OR5AP2: variants seen among roughly 807,000 people sequenced by gnomAD.
OR5AP2 encodes the protein olfactory receptor 5AP2.
For missense variants in OR5AP2, 409 were observed against 378.9 expected (o/e 1.08, Z -0.66); for synonymous variants, 142 against 140.8 (o/e 1.01, Z -0.06).
chr11:56,641,894 A>G lies in OR5AP2; in HGVS notation c.546T>C (p.His182=), dbSNP rs1411705788. ...GCAGTGGCGGGGTGTCACAGTAGAA[A>G]TGGTTGATCCTATTAGAACCACAAA... ...LSFCGSNRIN[H]FYCDTPPLLK... is the part of the protein sequence containing the mutation. The change falls in exon 1 of 1, where the codon CAT becomes CAC. Residue 182 remains histidine (H), a synonymous_variant. Transcript: ENST00000544374. 7 of 1,614,246 alleles carry G rather than the reference A, an allele frequency of 4.3e-6. No individual in the cohort carries two copies. The highest frequency in any genetic ancestry group is 2.2e-5 in the South Asian group (2 of 91,080).
rs745826090 is a variant in OR5AP2 at position 56,642,130 on chromosome 11, C to T, written c.310G>A (p.Ala104Thr). ...ENKAISFHGC[A>T]AQFYFFGSFL... The stretch of plus-strand genomic sequence containing the variant: ...GAGCCAAAGAAGTAGAACTGGGCAG[C>T]ACATCCATGAAAAGAAATGGCCTTA... The change falls in exon 1 of 1, where the codon GCT becomes ACT. Residue 104 changes from alanine to threonine, a missense_variant. Physicochemically the swap from Ala to Thr is moderately conservative, Grantham distance 58 (BLOSUM62 0). Transcript: ENST00000544374. The T allele has an allele frequency of 6.2e-7, 1 of 1,614,000 alleles. No individual in the cohort carries two copies. Among genetic ancestry groups the T allele is most frequent in the Non-Finnish European group, 8.5e-7 (1 of 1,180,044 alleles).
Position 56,641,650 on chromosome 11 carries a change from T to C in OR5AP2, c.790A>G (p.Met264Val), listed in dbSNP as rs1367586438. The change falls in exon 1 of 1, where the codon ATG becomes GTG. Residue 264 changes from methionine (M) to valine (V), a missense_variant. By Grantham distance (21) the Met-to-Val change is conservative. Coordinates refer to ENST00000544374, the MANE Select transcript of OR5AP2 (RefSeq NM_001002925.1). ...VTIFFGTILF[M>V]YLRPTSSYSM... ...TAGCTAGATGTAGGGCGCAAGTACATGAAGAGGATTGTTCCAAAGAATATG... is the reference window on the plus strand; with the variant it reads ...TAGCTAGATGTAGGGCGCAAGTACACGAAGAGGATTGTTCCAAAGAATATG... 3.1e-6 allele frequency: 5 copies of C among 1,614,098 alleles called. No individual in the cohort carries two copies. The South Asian group carries it at 5.5e-5, about 18-fold the overall frequency.
In OR5AP2 at chr11:56,642,080, C is replaced by CA; in HGVS notation, c.359dup (p.Leu121ValfsTer7). The stretch of plus-strand genomic sequence containing the variant: ...AGCGGTCATATGCCATCATGGCCAA[C>CA]AGGAAGCACTCAGTCCCCAGGAAGG... On this transcript the variant is annotated frameshift_variant, in exon 1 of 1. Coordinates refer to ENST00000544374, the MANE Select transcript of OR5AP2 (RefSeq NM_001002925.1). LOFTEE classifies it low-confidence loss of function (END_TRUNC). 6.2e-7 allele frequency: 1 copy of CA among 1,614,042 alleles called. No individual in the cohort carries two copies. Among genetic ancestry groups the CA allele is most frequent in the Non-Finnish European group, 8.5e-7 (1 of 1,180,028 alleles).
chr11:56,641,999 G>A lies in OR5AP2; in HGVS notation c.441C>T (p.Cys147=). Residue 147 remains cysteine (C), a synonymous_variant, in exon 1 of 1, where the codon TGC becomes TGT. Coordinates refer to ENST00000544374, the MANE Select transcript of OR5AP2 (RefSeq NM_001002925.1). ...AGAAGGAGGTAGCTATTAGCAAAAAGCAAATTCTCCCAGACACGAGAACTG... is the reference window on the plus strand; with the variant it reads ...AGAAGGAGGTAGCTATTAGCAAAAAACAAATTCTCCCAGACACGAGAACTG... ...LYPVLVSGRI[C]FLLIATSFLA... 6.2e-7 allele frequency: 1 copy of A among 1,614,142 alleles called. No individual in the cohort carries two copies. Among genetic ancestry groups the A allele is most frequent in the Non-Finnish European group, 8.5e-7 (1 of 1,180,040 alleles).
In OR5AP2 at chr11:56,641,507, T is replaced by C; in HGVS notation, c.933A>G (p.Leu311=). ...KDVKKALKKI[L]WKHIL is the part of the protein sequence containing the mutation. ...CATGGCTCTACAAGATGTGTTTCCATAAGATCTTCTTTAGGGCCTTTTTTA... is the reference window on the plus strand; with the variant it reads ...CATGGCTCTACAAGATGTGTTTCCACAAGATCTTCTTTAGGGCCTTTTTTA... Residue 311 remains leucine, a synonymous_variant, in exon 1 of 1, where the codon TTA becomes TTG. Transcript: ENST00000544374. 6.3e-7 allele frequency: 1 copy of C among 1,591,600 alleles called. No homozygotes were observed. The highest frequency in any genetic ancestry group is 8.6e-7 in the Non-Finnish European group (1 of 1,162,002).
Position 56,641,641 on chromosome 11 carries a change from G to T in OR5AP2, c.799C>A (p.Arg267Ser). 6.2e-7 allele frequency: 1 copy of T among 1,614,016 alleles called. No individual in the cohort carries two copies. Among genetic ancestry groups the T allele is most frequent in the Non-Finnish European group, 8.5e-7 (1 of 1,179,980 alleles). ...FFGTILFMYL[R>S]PTSSYSMEQD... ...TCCATTGAGTAGCTAGATGTAGGGC[G>T]CAAGTACATGAAGAGGATTGTTCCA... is the stretch of plus-strand genomic sequence containing the variant. Residue 267 changes from arginine to serine, a missense_variant, in exon 1 of 1, where the codon CGC (arginine) becomes AGC (serine). By Grantham distance (110) the Arg-to-Ser change is moderately radical. Coordinates refer to ENST00000544374, the MANE Select transcript of OR5AP2 (RefSeq NM_001002925.1).
Position 56,641,988 on chromosome 11 carries a change from A to G in OR5AP2, c.452T>C (p.Ile151Thr), listed in dbSNP as rs1288228370. ...ACAACCTGCTAAGAAGGAGGTAGCTATTAGCAAAAAGCAAATTCTCCCAGA... is the reference window on the plus strand; with the variant it reads ...ACAACCTGCTAAGAAGGAGGTAGCTGTTAGCAAAAAGCAAATTCTCCCAGA... ...LVSGRICFLL[I>T]ATSFLAGCGN... The change falls in exon 1 of 1, where the codon ATA becomes ACA. Residue 151 changes from isoleucine (I) to threonine (T), a missense_variant. Ile to Thr is a moderately conservative substitution (Grantham distance 89). Coordinates refer to ENST00000544374, the MANE Select transcript of OR5AP2 (RefSeq NM_001002925.1). 6.2e-7 allele frequency: 1 copy of G among 1,614,180 alleles called. No homozygotes were observed. The highest frequency in any genetic ancestry group is 8.5e-7 in the Non-Finnish European group (1 of 1,180,010).
chr11:56,642,254 G>A lies in OR5AP2; in HGVS notation c.186C>T (p.His62=), dbSNP rs1857013079. The A allele has an allele frequency of 6.2e-7, 1 of 1,614,174 alleles. No individual in the cohort carries two copies. Among genetic ancestry groups the A allele is most frequent in the Admixed American group, 1.7e-5 (1 of 60,028 alleles). Reference sequence around the variant, plus strand: ...TACTGAGAAAGAAATACATGGGGGTGTGGAGACAGAGATCAATCTTAATCA... The same window carrying A: ...TACTGAGAAAGAAATACATGGGGGTATGGAGACAGAGATCAATCTTAATCA... The part of the protein sequence containing the change: ...IVLIKIDLCL[H]TPMYFFLSSL... The change falls in exon 1 of 1, where the codon CAC becomes CAT. Residue 62 remains histidine (H), a synonymous_variant. Transcript: ENST00000544374.
chr11:56,641,528 T>G lies in OR5AP2; in HGVS notation c.912A>C (p.Lys304Asn), dbSNP rs1450850343. ...LIYSLKNKDV[K>N]KALKKILWKH... Reference sequence around the variant, plus strand: ...TCCATAAGATCTTCTTTAGGGCCTTTTTTACATCCTTATTTTTTAAACTAT... The same window carrying G: ...TCCATAAGATCTTCTTTAGGGCCTTGTTTACATCCTTATTTTTTAAACTAT... The change falls in exon 1 of 1, where the codon AAA becomes AAC. Residue 304 changes from lysine to asparagine, a missense_variant. Transcript: ENST00000544374. The G allele has an allele frequency of 8.1e-6, 13 of 1,610,050 alleles. No homozygotes were observed. The highest frequency in any genetic ancestry group is 2.7e-5 in the African/African-American group (2 of 74,792).
In OR5AP2 at chr11:56,642,148, T is replaced by G; in HGVS notation, c.292A>C (p.Ile98Leu). Reference protein sequence around the residue: ...LVNLMAENKAISFHGCAAQFY... With the variant: ...LVNLMAENKALSFHGCAAQFY... Reference sequence around the variant, plus strand: ...TGGGCAGCACATCCATGAAAAGAAATGGCCTTATTCTCAGCCATGAGGTTC... The same window carrying G: ...TGGGCAGCACATCCATGAAAAGAAAGGGCCTTATTCTCAGCCATGAGGTTC... Residue 98 changes from isoleucine (I) to leucine (L), a missense_variant, in exon 1 of 1, where the codon ATT becomes CTT. By Grantham distance (5) the Ile-to-Leu change is conservative. Transcript: ENST00000544374. 1 of 1,614,030 alleles carries G rather than the reference T, an allele frequency of 6.2e-7. No homozygotes were observed. The highest frequency in any genetic ancestry group is 1.3e-5 in the African/African-American group (1 of 75,000).
In OR5AP2 at chr11:56,642,150, G is replaced by A; in HGVS notation, c.290C>T (p.Ala97Val). Residue 97 changes from alanine to valine, a missense_variant, in exon 1 of 1, where the codon GCC (alanine) becomes GTC (valine). Ala to Val is a moderately conservative substitution (Grantham distance 64). Transcript: ENST00000544374. ...GGCAGCACATCCATGAAAAGAAATG[G>A]CCTTATTCTCAGCCATGAGGTTCAC... ...MLVNLMAENK[A>V]ISFHGCAAQF... 1 of 1,614,124 alleles carries A rather than the reference G, an allele frequency of 6.2e-7. No individual in the cohort carries two copies.
Position 56,642,133 on chromosome 11 carries a change from A to T in OR5AP2, c.307T>A (p.Cys103Ser), listed in dbSNP as rs140663835. The change falls in exon 1 of 1, where the codon TGT (cysteine) becomes AGT (serine). Residue 103 changes from cysteine to serine, a missense_variant. Cys to Ser is a moderately radical substitution (Grantham distance 112, BLOSUM62 -1). Coordinates refer to ENST00000544374, the MANE Select transcript of OR5AP2 (RefSeq NM_001002925.1). The part of the protein sequence containing the change: ...AENKAISFHG[C>S]AAQFYFFGSF... ...CCAAAGAAGTAGAACTGGGCAGCAC[A>T]TCCATGAAAAGAAATGGCCTTATTC... The T allele has an allele frequency of 1.2e-6, 2 of 1,614,098 alleles. No individual in the cohort carries two copies. Among genetic ancestry groups the T allele is most frequent in the Non-Finnish European group, 1.7e-6 (2 of 1,180,038 alleles).
chr11:56,641,713 CT>C lies in OR5AP2; in HGVS notation c.726del (p.Ala243ProfsTer44). On this transcript the variant is annotated frameshift_variant, in exon 1 of 1. Coordinates refer to ENST00000544374, the MANE Select transcript of OR5AP2 (RefSeq NM_001002925.1). LOFTEE classifies it high-confidence loss of function. The stretch of plus-strand genomic sequence containing the variant: ...AGGTAAGAGGCACAGGTGGAGAAGG[CT>C]TTGTGCCTGCCCTCTAACGAAGGCA... The part of the protein sequence containing the change: ...LKMPSLEGRH[K>X]AFSTCASYLM... The C allele has an allele frequency of 6.2e-7, 1 of 1,613,992 alleles. No individual in the cohort carries two copies. The highest frequency in any genetic ancestry group is 2.2e-5 in the East Asian group (1 of 44,876).
rs1247619118 is a variant in OR5AP2 at position 56,641,862 on chromosome 11, A to T, written c.578T>A (p.Leu193His). The change falls in exon 1 of 1, where the codon CTC (leucine) becomes CAC (histidine). Residue 193 changes from leucine to histidine, a missense_variant. Transcript: ENST00000544374. Reference sequence around the variant, plus strand: ...ATTGAAGTGGGTATCAGAGCAAGAGAGTTTGAGCAGTGGCGGGGTGTCACA... The same window carrying T: ...ATTGAAGTGGGTATCAGAGCAAGAGTGTTTGAGCAGTGGCGGGGTGTCACA... ...FYCDTPPLLK[L>H]SCSDTHFNGI... is the part of the protein sequence containing the mutation. 1.2e-6 allele frequency: 2 copies of T among 1,614,080 alleles called. No homozygotes were observed. Among genetic ancestry groups the T allele is most frequent in the Non-Finnish European group, 1.7e-6 (2 of 1,180,010 alleles).
chr11:56,642,413 G>A lies in OR5AP2; in HGVS notation c.27C>T (p.Gly9=). 2.5e-6 allele frequency: 4 copies of A among 1,600,812 alleles called. No homozygotes were observed. The highest frequency in any genetic ancestry group is 3.4e-6 in the Non-Finnish European group (4 of 1,177,986). The change falls in exon 1 of 1, where the codon GGC becomes GGT. Residue 9 remains glycine (G), a synonymous_variant. Transcript: ENST00000544374. ...ATTCTGTTACTTCTGTTTGATTTCT[G>A]CCTCGAACCTCTTTCATAAGTCTCA... MRLMKEVR[G]RNQTEVTEFL...
Position 56,641,945 on chromosome 11 carries a change from A to G in OR5AP2, c.495T>C (p.His165=). Residue 165 remains histidine (H), a synonymous_variant, in exon 1 of 1, where the codon CAT becomes CAC. Transcript: ENST00000544374. ...FLAGCGNAAI[H]TGMTFRLSFC... ...AGGACAACCTAAAAGTCATCCCTGT[A>G]TGTATGGCTGCATTTCCACAACCTG... 1 of 1,614,234 alleles carries G rather than the reference A, an allele frequency of 6.2e-7. No homozygotes were observed. The highest frequency in any genetic ancestry group is 8.5e-7 in the Non-Finnish European group (1 of 1,180,044).
chr11:56,642,108 C>A lies in OR5AP2; in HGVS notation c.332G>T (p.Gly111Val), dbSNP rs756331815. ...GAAGCACTCAGTCCCCAGGAAGGAG[C>A]CAAAGAAGTAGAACTGGGCAGCACA... is the stretch of plus-strand genomic sequence containing the variant. Reference protein sequence around the residue: ...HGCAAQFYFFGSFLGTECFLL... With the variant: ...HGCAAQFYFFVSFLGTECFLL... Residue 111 changes from glycine to valine, a missense_variant, in exon 1 of 1, where the codon GGC becomes GTC. By Grantham distance (109) the Gly-to-Val change is moderately radical (BLOSUM62 -3). Coordinates refer to ENST00000544374, the MANE Select transcript of OR5AP2 (RefSeq NM_001002925.1). 1.9e-6 allele frequency: 3 copies of A among 1,614,012 alleles called. No individual in the cohort carries two copies. Among genetic ancestry groups the A allele is most frequent in the Admixed American group, 1.7e-5 (1 of 60,020 alleles).
Position 56,641,935 on chromosome 11 carries a change from T to A in OR5AP2, c.505A>T (p.Thr169Ser). 6.2e-7 allele frequency: 1 copy of A among 1,614,166 alleles called. No homozygotes were observed. Among genetic ancestry groups the A allele is most frequent in the Non-Finnish European group, 8.5e-7 (1 of 1,180,028 alleles). The change falls in exon 1 of 1, where the codon ACT becomes TCT. Residue 169 changes from threonine to serine, a missense_variant. Physicochemically the swap from Thr to Ser is moderately conservative, Grantham distance 58. Transcript: ENST00000544374. ...CGNAAIHTGM[T>S]FRLSFCGSNR... ...GAACCACAAAAGGACAACCTAAAAG[T>A]CATCCCTGTATGTATGGCTGCATTT... is the stretch of plus-strand genomic sequence containing the variant.
Position 56,642,255 on chromosome 11 carries a change from T to TG in OR5AP2, c.184dup (p.His62ProfsTer10), listed in dbSNP as rs745471378. On this transcript the variant is annotated frameshift_variant, in exon 1 of 1. Transcript: ENST00000544374. LOFTEE classifies it low-confidence loss of function (END_TRUNC). The stretch of plus-strand genomic sequence containing the variant: ...ACTGAGAAAGAAATACATGGGGGTG[T>TG]GGAGACAGAGATCAATCTTAATCAA... 2.7e-5 allele frequency: 43 copies of TG among 1,614,150 alleles called. No individual in the cohort carries two copies. The South Asian group carries it at 4.7e-4, about 18-fold the overall frequency.
Sources: gnomAD v4.1 joint callset for allele counts on GRCh38, gnomAD v4.1.1 for gene constraint, MANE v1.5 for transcripts, NCBI Gene and HGNC (gene_info 2026-07-23, HGNC 2026-07-21) for gene names.